The following PHACTR4 variants were observed in gnomAD, a reference collection of about 807,000 sequenced individuals.
PHACTR4 encodes protein phosphatase 1, regulatory subunit 124.
A neutral mutation model predicts 72.7 loss-of-function variants in PHACTR4; 51 were observed. The observed-to-expected ratio is 0.70, with a 90% CI of 0.56 to 0.89. The LOEUF (loss-of-function observed/expected upper bound fraction) is 0.89, where lower values mean the gene tolerates loss of function less well. PHACTR4 is among the 40% of genes least tolerant of loss of function. The probability of loss-of-function intolerance (pLI) is 0.00; values close to 1 mark genes in which losing one functional copy is unlikely to be tolerated. For missense variants in PHACTR4, 731 were observed against 861.8 expected, an observed-to-expected ratio of 0.85 and a Z score of 1.90; for synonymous variants, 255 against 302.5, an observed-to-expected ratio of 0.84 and a Z score of 1.63.
chr1:28,474,221 T>TA (rs944666720), intron 7 of PHACTR4, 70 bp downstream of exon 7: 2 of 1,413,436 alleles, frequency 1.4e-6, no homozygotes, highest in African/African-American at 2.9e-5. Flanking sequence ...AAAAATTACT[T>TA]ATAAAAAGAA....
intron 1 of PHACTR4, among the ~76,000 whole-genome samples, chr1:28,378,300 G>A (rs935750133): frequency 4.7e-5 from 7 of 147,630 alleles, no homozygotes; most frequent in Non-Finnish European, 7.4e-5. Context: ...TCAGGAGTTC[G>A]AGACCAGCCT....
At chr1:28,485,125 C>T (rs1172922385) in intron 9 of PHACTR4, among the ~76,000 whole-genome samples, 2 of 152,050 alleles carry the variant, frequency 1.3e-5, no homozygotes, top group South Asian at 2.1e-4. Flanking sequence ...TCCACTTCTG[C>T]GAGGTATCTG....
At chr1:28,387,282 T>C (rs567516230) in intron 1 of PHACTR4, among the ~76,000 whole-genome samples, 451 of 141,136 alleles carry the variant, frequency 3.2e-3, no homozygotes, top group Non-Finnish European at 4.3e-3. Flanking sequence ...AAAAAAAAAT[T>C]AGAGCCCTCA....
intron 1 of PHACTR4, among the ~76,000 whole-genome samples, chr1:28,401,602 C>CT (rs1320899242): frequency 1.3e-5 from 2 of 151,418 alleles, no homozygotes; most frequent in Non-Finnish European, 2.9e-5. Context: ...CCACCATGCC[C>CT]TTTTTTTTGT....
At chr1:28,475,860 G>C (rs1344776726) in intron 7 of PHACTR4, among the ~76,000 whole-genome samples, 1 of 151,622 alleles carries the variant, frequency 6.6e-6, no homozygotes, top group Non-Finnish European at 1.5e-5. Context: ...TCAAGTAGCT[G>C]GGATTACAGG....
intron 1 of PHACTR4, among the ~76,000 whole-genome samples, chr1:28,387,292 A>G (rs1240955720): frequency 6.6e-6 from 1 of 151,492 alleles, no homozygotes; most frequent in African/African-American, 2.4e-5. Flanking sequence ...TAGAGCCCTC[A>G]AACAGTTTTC....
At chr1:28,466,864 A>C (rs1659213771) in intron 6 of PHACTR4, 96 bp downstream of exon 6, 2 of 1,474,044 alleles carry the variant, frequency 1.4e-6, no homozygotes, top group East Asian at 4.6e-5. Flanking sequence ...TTGGTCTGTG[A>C]GAATTTTCCA....
intron 7 of PHACTR4, among the ~76,000 whole-genome samples, chr1:28,475,269 CTT>C (rs1659850715): frequency 6.6e-6 from 1 of 151,632 alleles, no homozygotes; most frequent in East Asian, 1.9e-4. Flanking sequence ...ATTTTTTACT[CTT>C]GTGATTTTTT....
chr1:28,476,525 T>C (rs1284815457), intron 8 of PHACTR4, among the ~76,000 whole-genome samples: 2 of 144,892 alleles, frequency 1.4e-5, no homozygotes. Context: ...TTTAGGTTTT[T>C]TGTTTTTTTT....
chr1:28,472,849 C>CT (rs1294958695), intron 6 of PHACTR4, among the ~76,000 whole-genome samples: 3 of 54 alleles, frequency 0.056, no homozygotes, highest in Non-Finnish European at 0.088. Flanking sequence ...AACTCCTGAC[C>CT]TAAGTAATCT....
intron 2 of PHACTR4, among the ~76,000 whole-genome samples, chr1:28,414,480 C>T (rs1177304111): frequency 7.7e-6 from 1 of 129,510 alleles, no homozygotes; most frequent in Non-Finnish European, 1.6e-5. Context: ...TGAGCTCAAA[C>T]AATTCTCCCA....
At chr1:28,377,325 G>A (rs998608979) in intron 1 of PHACTR4, among the ~76,000 whole-genome samples, 4 of 146,756 alleles carry the variant, frequency 2.7e-5, no homozygotes, top group African/African-American at 1.0e-4. Flanking sequence ...TGCAACCTCC[G>A]CCTCCTGGGT....
intron 2 of PHACTR4, among the ~76,000 whole-genome samples, chr1:28,439,628 G>A (rs1176696002): frequency 1.3e-5 from 2 of 152,210 alleles, no homozygotes; most frequent in South Asian, 2.1e-4. Flanking sequence ...ATAGAAAAAG[G>A]TATAAAGAAA....
At chr1:28,409,844 C>G (rs184927724) in intron 2 of PHACTR4, among the ~76,000 whole-genome samples, 1 of 151,908 alleles carries the variant, frequency 6.6e-6, no homozygotes, top group African/African-American at 2.4e-5. Context: ...TTCTTTCCCC[C>G]CTGAAGAGTA....
intron 2 of PHACTR4, among the ~76,000 whole-genome samples, chr1:28,416,951 C>A (rs2124323016): frequency 6.6e-6 from 1 of 151,980 alleles, no homozygotes; most frequent in East Asian, 1.9e-4. Context: ...AGATATGGTA[C>A]AAAGTTGGAA....
intron 2 of PHACTR4, among the ~76,000 whole-genome samples, chr1:28,424,791 T>C (rs1469390606): frequency 6.6e-6 from 1 of 150,924 alleles, no homozygotes; most frequent in African/African-American, 2.4e-5. Flanking sequence ...GCTGGCCTGT[T>C]TTTTTGTTGT....
intron 2 of PHACTR4, among the ~76,000 whole-genome samples, chr1:28,451,473 A>G (rs1437117607): frequency 6.7e-6 from 1 of 148,398 alleles, no homozygotes; most frequent in African/African-American, 2.5e-5. Context: ...GTGCAATGAT[A>G]CATATCACAA....
Position 28,490,937 on chromosome 1 carries a change from A to G in PHACTR4, c.1817-14A>G, listed in dbSNP as rs1206476805. 1 of 1,611,834 alleles carries G rather than the reference A, an allele frequency of 6.2e-7. No homozygotes were observed. The highest frequency in any genetic ancestry group is 8.5e-7 in the Non-Finnish European group (1 of 1,177,928). The stretch of plus-strand genomic sequence containing the variant: ...TTGTGAGTAATATTCCTTCCTTCTG[A>G]TTGTCAACTGTAGCTAAAAATGAAG... On this transcript the variant is annotated splice_polypyrimidine_tract_variant and intron_variant, in intron 10 of 13. Transcript: ENST00000373839.
intron 1 of PHACTR4, among the ~76,000 whole-genome samples, chr1:28,388,328 A>G (rs1035902255): frequency 6.6e-6 from 1 of 152,250 alleles, no homozygotes; most frequent in Non-Finnish European, 1.5e-5. Flanking sequence ...AATATGCGAC[A>G]AAACTGAAGT....
Sources: gnomAD v4.1 joint callset for allele counts (sites outside exome capture counted in the v4.1 genomes callset) on GRCh38, gnomAD v4.1.1 for gene constraint, MANE v1.5 for transcripts, NCBI Gene and HGNC (gene_info 2026-07-23, HGNC 2026-07-21) for gene names.